The following SLMAP variants were observed in gnomAD, a reference collection of about 807,000 sequenced individuals.
SLMAP encodes the protein sarcolemma associated protein.
Under a neutral mutation model 128.8 loss-of-function variants are expected in SLMAP, and 44 were observed. The ratio of observed to expected loss-of-function variants is 0.34; its 90% CI spans 0.27 to 0.44. The LOEUF (loss-of-function observed/expected upper bound fraction) is 0.44. Ranked by LOEUF, SLMAP falls within the 20% of genes least tolerant of loss-of-function variation. The probability of loss-of-function intolerance (pLI) is 1.00; values close to 1 mark genes in which losing one functional copy is unlikely to be tolerated. For synonymous variants in SLMAP, 327 were observed against 348.8 expected, an observed-to-expected ratio of 0.94 and a Z score of 0.70; for missense variants, 787 against 985.3, an observed-to-expected ratio of 0.80 and a Z score of 2.69.
chr3:57,882,690 C>T (rs1164112051), intron 14 of SLMAP, among the ~76,000 whole-genome samples: 1 of 152,102 alleles, frequency 6.6e-6, no homozygotes, highest in Non-Finnish European at 1.5e-5. Flanking sequence ...TTGGATTTGG[C>T]CCTGTGGGGG....
intron 6 of SLMAP, among the ~76,000 whole-genome samples, chr3:57,854,424 C>T (rs2153587180): frequency 6.6e-6 from 1 of 152,158 alleles, no homozygotes; most frequent in Admixed American, 6.6e-5. Flanking sequence ...ATGGAGAAAG[C>T]TCATCTCCAC....
At chr3:57,917,346 G>T (rs2096833610) in intron 22 of SLMAP, 1 of 659,168 alleles carries the variant, frequency 1.5e-6, no homozygotes, top group Admixed American at 3.6e-5. Flanking sequence ...GAAATCCTTT[G>T]TACCAGGTCT....
intron 13 of SLMAP, among the ~76,000 whole-genome samples, chr3:57,868,762 A>G (rs1007386124): frequency 7.0e-6 from 1 of 143,430 alleles, no homozygotes; most frequent in Non-Finnish European, 1.5e-5. Flanking sequence ...ACATTGTATT[A>G]GTCAGGGTTC....
At chr3:57,796,757 ATAAAT>A in intron 2 of SLMAP, among the ~76,000 whole-genome samples, 1 of 152,258 alleles carries the variant, frequency 6.6e-6, no homozygotes, top group East Asian at 1.9e-4. Context: ...ATATGGTTAA[ATAAAT>A]TAATGAAATG....
chr3:57,858,172 C>CCTG lies in SLMAP; in HGVS notation c.687+13_687+14insCTG. On this transcript the variant is annotated intron_variant, in intron 8 of 24. Transcript: ENST00000671191. The stretch of plus-strand genomic sequence containing the variant: ...GGCATGCTCCAAAGTAGGTATTAAC[C>CCTG]TCAAATGTGTAAAATGAAATGCATA... 6.8e-7 allele frequency: 1 copy of CCTG among 1,472,154 alleles called. No individual in the cohort carries two copies. The highest frequency in any genetic ancestry group is 1.1e-5 in the South Asian group (1 of 87,538). The allele number at this position is 1,472,154 out of a possible 1,614,324, so 91.2% of individuals were successfully genotyped here.
At chr3:57,859,282 C>T (rs2094936165) in intron 8 of SLMAP, among the ~76,000 whole-genome samples, 1 of 150,104 alleles carries the variant, frequency 6.7e-6, no homozygotes, top group Admixed American at 6.7e-5. Context: ...AAGATCGCAC[C>T]TCTGAACTCC....
Position 57,799,070 on chromosome 3 carries a change from CAGG to C in SLMAP, c.199-32310_199-32308del, listed in dbSNP as rs560138940. 2.6e-3 allele frequency among the ~76,000 whole-genome samples: 402 copies of C among 152,264 alleles called. 2 individuals are homozygous for C. Among genetic ancestry groups the C allele is most frequent in the Non-Finnish European group, 3.9e-3 (267 of 68,018 alleles). On this transcript the variant is annotated intron_variant, in intron 2 of 24. Coordinates refer to ENST00000671191, the MANE Select transcript of SLMAP (RefSeq NM_001377540.1). ...ATGTAGCTGCAGAAGCAGCCCAATGCAGGAGTCCAGTCATCATTTCTGTGTTAA... is the reference window on the plus strand; with the variant it reads ...ATGTAGCTGCAGAAGCAGCCCAATGCAGTCCAGTCATCATTTCTGTGTTAA...
intron 13 of SLMAP, among the ~76,000 whole-genome samples, chr3:57,869,588 A>G (rs945994313): frequency 7.9e-5 from 11 of 139,342 alleles, no homozygotes; most frequent in African/African-American, 1.3e-4. Flanking sequence ...GTGAATAACT[A>G]CTGCACTTGA....
chr3:57,793,064 A>T (rs907860723), intron 2 of SLMAP, among the ~76,000 whole-genome samples: 1 of 152,136 alleles, frequency 6.6e-6, no homozygotes, highest in East Asian at 1.9e-4. Flanking sequence ...ACTTGAGTCC[A>T]GGAGGCCGAA....
chr3:57,883,291 G>A (rs1243460841), intron 14 of SLMAP, among the ~76,000 whole-genome samples: 1 of 152,210 alleles, frequency 6.6e-6, no homozygotes, highest in Non-Finnish European at 1.5e-5. Flanking sequence ...ATTTCTGGGT[G>A]AAGATGTTTG....
At chr3:57,897,276 A>G in intron 17 of SLMAP, 1 of 402,924 alleles carries the variant, frequency 2.5e-6, no homozygotes, top group Non-Finnish European at 4.0e-6. Context: ...TTCTTGAAAG[A>G]CTCACCGGTT....
intron 15 of SLMAP, among the ~76,000 whole-genome samples, chr3:57,891,965 G>A (rs1295424881): frequency 1.3e-5 from 2 of 152,130 alleles, no homozygotes; most frequent in African/African-American, 4.8e-5. Context: ...GAAAGCATTA[G>A]GGTCCATTAA....
At chr3:57,839,899 G>A (rs1381179589) in intron 3 of SLMAP, among the ~76,000 whole-genome samples, 1 of 151,620 alleles carries the variant, frequency 6.6e-6, no homozygotes, top group Non-Finnish European at 1.5e-5. Flanking sequence ...TGTTGGCCAG[G>A]CTGGTCTCGA....
intron 3 of SLMAP, 56 bp downstream of exon 3, chr3:57,831,586 T>C: frequency 8.3e-7 from 1 of 1,210,324 alleles, no homozygotes; most frequent in Non-Finnish European, 1.1e-6. Context: ...ATTTAATTTT[T>C]TATTATCTTA....
chr3:57,883,751 C>T (rs2153637203), intron 14 of SLMAP, among the ~76,000 whole-genome samples: 1 of 152,140 alleles, frequency 6.6e-6, no homozygotes, highest in East Asian at 1.9e-4. Flanking sequence ...TCCACTTTCT[C>T]TTTTCTGAAG....
In SLMAP at chr3:57,876,403, T is replaced by G. The variant is rs1253235578; in HGVS notation, c.1300+4705T>G. Among the ~76,000 whole-genome samples the G allele has an allele frequency of 3.3e-5, 5 of 152,344 alleles. No individual in the cohort carries two copies. In the East Asian group the frequency reaches 9.6e-4, roughly 29 times the overall value. ...AACTTTAAATTCCAGACAAAGAAAT[T>G]GGACTTTGAACAGAGATTTAAATAA... is the stretch of plus-strand genomic sequence containing the variant. On this transcript the variant is annotated intron_variant, in intron 14 of 24. Coordinates refer to ENST00000671191, the MANE Select transcript of SLMAP (RefSeq NM_001377540.1).
intron 2 of SLMAP, among the ~76,000 whole-genome samples, chr3:57,794,687 CAT>C (rs1412781035): frequency 2.6e-5 from 4 of 152,144 alleles, no homozygotes; most frequent in Non-Finnish European, 5.9e-5. Context: ...AATGATACAA[CAT>C]GTGGTCTTTT....
At chr3:57,778,030 A>G (rs1428670351) in intron 2 of SLMAP, among the ~76,000 whole-genome samples, 2 of 152,128 alleles carry the variant, frequency 1.3e-5, no homozygotes, top group Non-Finnish European at 2.9e-5. Flanking sequence ...ATTTGCTTAT[A>G]TTTTGTTAAG....
At chr3:57,876,267 C>T (rs1431877811) in intron 14 of SLMAP, among the ~76,000 whole-genome samples, 1 of 152,156 alleles carries the variant, frequency 6.6e-6, no homozygotes, top group Non-Finnish European at 1.5e-5. Flanking sequence ...TGGTTGTTGG[C>T]TCTTTCCATT....
Sources: gnomAD v4.1 joint callset for allele counts (sites outside exome capture counted in the v4.1 genomes callset) on GRCh38, gnomAD v4.1.1 for gene constraint, MANE v1.5 for transcripts, NCBI Gene and HGNC (gene_info 2026-07-23, HGNC 2026-07-21) for gene names.